The following SPTBN1 variants were observed in gnomAD, a reference collection of about 807,000 sequenced individuals.
SPTBN1 encodes spectrin beta, non-erythrocytic 1, also known as spectrin beta chain, non-erythrocytic 1.
SPTBN1 carries 32 observed loss-of-function variants against 266.4 expected under a neutral mutation model. The ratio of observed to expected loss-of-function variants is 0.12; its 90% CI spans 0.09 to 0.16. The LOEUF (loss-of-function observed/expected upper bound fraction) is 0.16. Among genes scored for constraint, SPTBN1 ranks in the 10% least tolerant of loss-of-function variants. The pLI is 1.00. For missense variants in SPTBN1, 2,296 were observed against 3,067.1 expected, an observed-to-expected ratio of 0.75 and a Z score of 5.94; for synonymous variants, 1,336 against 1,162.2, an observed-to-expected ratio of 1.15 and a Z score of -3.04.
At chr2:54,501,862 G>A (rs1396951848) in intron 1 of SPTBN1, among the ~76,000 whole-genome samples, 2 of 152,200 alleles carry the variant, frequency 1.3e-5, no homozygotes, top group Non-Finnish European at 2.9e-5. Context: ...AGAATATGGA[G>A]CAACTAGTGT....
chr2:54,528,550 A>G (rs532707973), intron 2 of SPTBN1: 1 of 152,384 alleles, frequency 6.6e-6, no homozygotes, highest in African/African-American at 2.4e-5. Context: ...CATAACAATC[A>G]TATGAGAGAG....
chr2:54,666,190 C>G, intron 34 of SPTBN1, 102 bp downstream of exon 34: 2 of 1,234,924 alleles, frequency 1.6e-6, no homozygotes, highest in Non-Finnish European at 2.2e-6. Flanking sequence ...TTGGTTCTGT[C>G]TTCTGCCATT....
intron 3 of SPTBN1, among the ~76,000 whole-genome samples, chr2:54,609,680 C>CAG (rs1307372126): frequency 6.6e-6 from 1 of 152,144 alleles, no homozygotes; most frequent in East Asian, 1.9e-4. Context: ...TCAGTGCCTT[C>CAG]AGTGTTGAAC....
intron 24 of SPTBN1, among the ~76,000 whole-genome samples, chr2:54,647,753 G>A (rs1407393243): frequency 1.3e-5 from 2 of 152,172 alleles, no homozygotes; most frequent in African/African-American, 4.8e-5. Flanking sequence ...GAGGTTGGGA[G>A]GATGGTTTGA....
chr2:54,516,868 A>G (rs781216417), intron 1 of SPTBN1, among the ~76,000 whole-genome samples: 10 of 152,260 alleles, frequency 6.6e-5, no homozygotes, highest in African/African-American at 1.4e-4. Flanking sequence ...CAATCAGTAC[A>G]TGTAAGATTT....
In SPTBN1 at chr2:54,522,224, A is replaced by G. The variant is rs539316930; in HGVS notation, c.-47-4148A>G. 5.9e-5 allele frequency among the ~76,000 whole-genome samples: 9 copies of G among 152,306 alleles called. No homozygotes were observed. The East Asian group carries it at 1.7e-3, about 29-fold the overall frequency. ...GCCTAACCTTTCCGTTTTAAGGAAC[A>G]ATAGTAGTGTTTTTAAGGAATACCA... On this transcript the variant is annotated intron_variant, in intron 1 of 35. Coordinates refer to ENST00000356805, the MANE Select transcript of SPTBN1 (RefSeq NM_003128.3).
chr2:54,561,268 C>T (rs1420716210), intron 2 of SPTBN1, among the ~76,000 whole-genome samples: 1 of 152,188 alleles, frequency 6.6e-6, no homozygotes, highest in Non-Finnish European at 1.5e-5. Flanking sequence ...CCTCAGCCTC[C>T]CAAGTAGCTG....
At chr2:54,560,725 A>T (rs1673242345) in intron 2 of SPTBN1, among the ~76,000 whole-genome samples, 1 of 152,166 alleles carries the variant, frequency 6.6e-6, no homozygotes, top group South Asian at 2.1e-4. Flanking sequence ...ATTTTTAAAT[A>T]TTGTGGTTTA....
rs182007745 is a variant in SPTBN1 at position 54,644,169 on chromosome 2, T to G, written c.4006-154T>G. Among the ~76,000 whole-genome samples the G allele has an allele frequency of 2.8e-3, 434 of 152,306 alleles. 7 individuals carry two copies. The highest frequency in any genetic ancestry group is 7.1e-4 in the Non-Finnish European group (48 of 68,028). ...AATGTACACAACCTAGGGGTCGTTG[T>G]TGATTTTATTGAGCAGTAACTTCAT... is the stretch of plus-strand genomic sequence containing the variant. On this transcript the variant is annotated intron_variant, in intron 19 of 35. Transcript: ENST00000356805.
intron 2 of SPTBN1, among the ~76,000 whole-genome samples, chr2:54,547,777 T>G (rs572966025): frequency 1.3e-5 from 2 of 152,196 alleles, no homozygotes; most frequent in Non-Finnish European, 2.9e-5. Context: ...GAGGTAGTTA[T>G]AGGTGAGCTT....
chr2:54,575,988 AG>A (rs148345952), intron 2 of SPTBN1, among the ~76,000 whole-genome samples: 6,947 of 149,822 alleles, frequency 0.046, 597 homozygotes, highest in African/African-American at 0.16. Context: ...TTATGGTAGC[AG>A]GGATAGGGAG....
At chr2:54,478,175 C>T (rs754236097) in intron 1 of SPTBN1, among the ~76,000 whole-genome samples, 2 of 152,114 alleles carry the variant, frequency 1.3e-5, no homozygotes, top group Non-Finnish European at 2.9e-5. Flanking sequence ...ACAGAGCTGT[C>T]CGATCCTGGT....
intron 1 of SPTBN1, among the ~76,000 whole-genome samples, chr2:54,491,125 A>G (rs1668663383): frequency 6.6e-6 from 1 of 152,220 alleles, no homozygotes; most frequent in Admixed American, 6.5e-5. Context: ...TAATTTGGTT[A>G]AGAAACTCTA....
Position 54,649,213 on chromosome 2 carries a change from G to A in SPTBN1, c.5202+23G>A. 1.3e-6 allele frequency: 2 copies of A among 1,580,116 alleles called. No homozygotes were observed. The highest frequency in any genetic ancestry group is 1.7e-6 in the Non-Finnish European group (2 of 1,156,514). On this transcript the variant is annotated intron_variant, in intron 25 of 35. Coordinates refer to ENST00000356805, the MANE Select transcript of SPTBN1 (RefSeq NM_003128.3). This position sits in a 1 kb window ranked among gnomAD's most constrained non-coding sequence, Gnocchi z 6.7. ...ACGGCAAGTACTTGAGGCAGTGCAT[G>A]AGTTGGTTGTGCAGTAAGCGATGGT...
Position 54,558,941 on chromosome 2 carries a change from G to A in SPTBN1, c.148+32375G>A. On this transcript the variant is annotated intron_variant, in intron 2 of 35. Transcript: ENST00000356805. This position sits in a 1 kb window ranked among gnomAD's most constrained non-coding sequence, Gnocchi z 4.6. The stretch of plus-strand genomic sequence containing the variant: ...TCCTGGGTGCCAACGGGGGTTCTTG[G>A]AGGCTTTATTTGTGACCCTAATGAA... 1.3e-6 allele frequency: 2 copies of A among 1,585,200 alleles called. No individual in the cohort carries two copies. Among genetic ancestry groups the A allele is most frequent in the Non-Finnish European group, 1.7e-6 (2 of 1,163,170 alleles).
intron 18 of SPTBN1, among the ~76,000 whole-genome samples, chr2:54,640,336 C>T (rs1050445766): frequency 1.3e-5 from 2 of 152,072 alleles, no homozygotes; most frequent in Non-Finnish European, 2.9e-5. Context: ...TCTCTTTGTT[C>T]AGCTTCCTTC....
At position 54,626,341 on chromosome 2, in the gene SPTBN1, T is replaced by C; in HGVS notation, c.1644+107T>C. The C allele has an allele frequency of 1.5e-6, 2 of 1,335,140 alleles. No homozygotes were observed. Among genetic ancestry groups the C allele is most frequent in the African/African-American group, 3.0e-5 (2 of 67,708 alleles). The allele number at this position is 1,335,140 out of a possible 1,614,324, so 82.7% of individuals were successfully genotyped here. The stretch of plus-strand genomic sequence containing the variant: ...CGTACAGCTGTGTGCCTTGTCTAAC[T>C]GCCCACATGTACAGCTAGAGAGGAG... On this transcript the variant is annotated intron_variant, in intron 12 of 35. Coordinates refer to ENST00000356805, the MANE Select transcript of SPTBN1 (RefSeq NM_003128.3). This position sits in a 1 kb window ranked among gnomAD's most constrained non-coding sequence, Gnocchi z 4.7.
Position 54,670,792 on chromosome 2 carries a change from CTT to C in SPTBN1, c.*2224_*2225del, listed in dbSNP as rs552297198. The C allele has an allele frequency of 2.9e-3, 1,147 of 398,536 alleles. 9 individuals carry two copies. Among genetic ancestry groups the C allele is most frequent in the African/African-American group, 0.02 (978 of 48,688 alleles). 24.7% of individuals were successfully genotyped at this position (398,536 alleles called of 1,614,324 possible). A position where few individuals can be genotyped will look rare whatever the true frequency, so the allele number is the denominator to read the frequency against. ...CAGGGTTTGGTGGTATTTGCTCTCT[CTT>C]GGTGCATTTGATAAGGATCCACTGA... On this transcript the variant is annotated 3_prime_UTR_variant, in exon 36 of 36. Coordinates refer to ENST00000356805, the MANE Select transcript of SPTBN1 (RefSeq NM_003128.3).
rs148044480 is a variant in SPTBN1, at chr2:54,498,121, A to G, written c.-47-28251A>G. 1.6e-3 allele frequency among the ~76,000 whole-genome samples: 238 copies of G among 152,330 alleles called. 3 individuals are homozygous for G. In the South Asian group the frequency reaches 0.035, roughly 23 times the overall value. On this transcript the variant is annotated intron_variant, in intron 1 of 35. Coordinates refer to ENST00000356805, the MANE Select transcript of SPTBN1 (RefSeq NM_003128.3). Reference sequence around the variant, plus strand: ...GTTATATTTCTTAGGTTGGGGATACATACAGCATGGAGTTGGAACTTCAGT... The same window carrying G: ...GTTATATTTCTTAGGTTGGGGATACGTACAGCATGGAGTTGGAACTTCAGT...
Sources: allele counts gnomAD v4.1 joint callset (sites outside exome capture counted in the v4.1 genomes callset), GRCh38; gene constraint gnomAD v4.1.1; non-coding constraint Gnocchi (gnomAD v3.1); transcripts MANE v1.5; gene names NCBI Gene and HGNC (gene_info 2026-07-23, HGNC 2026-07-21).